Variants in FAT4 observed in about 807,000 individuals in gnomAD.
The protein encoded by FAT4 is protocadherin Fat 4.
In FAT4, 84 loss-of-function variants were observed where a neutral mutation model predicts 303.9. The ratio of observed to expected loss-of-function variants is 0.28; its 90% CI spans 0.23 to 0.33. The LOEUF (loss-of-function observed/expected upper bound fraction) is 0.33, where lower values mean the gene tolerates loss of function less well. Among genes scored for constraint, FAT4 ranks in the 10% least tolerant of loss-of-function variants. The pLI, the probability that FAT4 is intolerant of heterozygous loss-of-function variation, is 1.00. For missense variants in FAT4, 6,005 were observed against 6,146.8 expected (o/e 0.98, Z 0.77); for synonymous variants, 2,307 against 2,298.8 (o/e 1.00, Z -0.10).
intron 2 of FAT4, among the ~76,000 whole-genome samples, chr4:125,398,286 G>A (rs1348691993): frequency 6.6e-6 from 1 of 152,126 alleles, no homozygotes; most frequent in African/African-American, 2.4e-5. Flanking sequence ...TCCCATTAAA[G>A]GTTGAGCGTG....
At chr4:125,467,565 G>T (rs1304537669) in intron 11 of FAT4, among the ~76,000 whole-genome samples, 1 of 152,092 alleles carries the variant, frequency 6.6e-6, no homozygotes, top group Non-Finnish European at 1.5e-5. Flanking sequence ...AAACAAATGG[G>T]AATGCTGACT....
chr4:125,418,117 CAT>C (rs1389433133), intron 7 of FAT4, among the ~76,000 whole-genome samples: 1 of 152,128 alleles, frequency 6.6e-6, no homozygotes, highest in African/African-American at 2.4e-5. Context: ...TTGTAGATGA[CAT>C]GAGAAATTTC....
In FAT4 at chr4:125,398,894, G is replaced by T; in HGVS notation, c.5286G>T (p.Leu1762=). The T allele has an allele frequency of 1.2e-6, 2 of 1,613,076 alleles. No homozygotes were observed. The highest frequency in any genetic ancestry group is 1.7e-6 in the Non-Finnish European group (2 of 1,179,226). ...NIGDGSKIMQ[L]TAMDADEGAN... ...GAGATGGCTCTAAGATTATGCAGCT[G>T]ACAGCCATGGATGCTGATGAGGTAG... Residue 1762 remains leucine (L), a synonymous_variant, in exon 3 of 18, where the codon CTG becomes CTT. Transcript: ENST00000394329.
rs758650940 is a variant in FAT4, at chr4:125,449,966, C to T, written c.8956C>T (p.Leu2986Phe). Residue 2986 changes from leucine (L) to phenylalanine (F), a missense_variant, in exon 10 of 18, where the codon CTT becomes TTT. Transcript: ENST00000394329. ...VDSNDNAPQF[L>F]KSKYFTPVTK... ...CAGTAATGACAATGCACCTCAATTTCTTAAAAGTAAATATTTCACTCCAGT... is the reference window on the plus strand; with the variant it reads ...CAGTAATGACAATGCACCTCAATTTTTTAAAAGTAAATATTTCACTCCAGT... 2 of 1,613,680 alleles carry T rather than the reference C, an allele frequency of 1.2e-6. No homozygotes were observed. The highest frequency in any genetic ancestry group is 2.2e-5 in the South Asian group (2 of 91,044).
chr4:125,396,926 GTATATATA>G (rs66744105), intron 2 of FAT4, among the ~76,000 whole-genome samples: 6,625 of 143,710 alleles, frequency 0.046, 313 homozygotes, highest in African/African-American at 0.12. Flanking sequence ...ATGTGTGTGT[GTATATATA>G]TATATATATA....
intron 2 of FAT4, among the ~76,000 whole-genome samples, chr4:125,323,293 C>T (rs1443956317): frequency 6.6e-6 from 1 of 151,982 alleles, no homozygotes. Context: ...TTTTTATTTA[C>T]CCATTAGCTA....
intron 2 of FAT4, among the ~76,000 whole-genome samples, chr4:125,328,440 A>G (rs937897117): frequency 6.6e-6 from 1 of 152,206 alleles, no homozygotes; most frequent in East Asian, 1.9e-4. Flanking sequence ...TAGGACCACA[A>G]TCTTCTTCAG....
intron 6 of FAT4, 120 bp from the exon 7 acceptor site, chr4:125,416,328 A>T: frequency 1.1e-6 from 1 of 911,566 alleles, no homozygotes; most frequent in Non-Finnish European, 1.7e-6. Flanking sequence ...TTGAAAATCT[A>T]AAAATATATC....
At chr4:125,375,966 G>A (rs1733298133) in intron 2 of FAT4, among the ~76,000 whole-genome samples, 1 of 152,208 alleles carries the variant, frequency 6.6e-6, no homozygotes, top group Non-Finnish European at 1.5e-5. Flanking sequence ...AAGGTCACAA[G>A]TAACTGACTA....
intron 3 of FAT4, among the ~76,000 whole-genome samples, chr4:125,399,896 AAG>A (rs997320239): frequency 1.3e-5 from 2 of 151,964 alleles, no homozygotes; most frequent in Admixed American, 6.6e-5. Flanking sequence ...CTAGCTTTAA[AAG>A]AGTTATCTGA....
chr4:125,318,640 G>C lies in FAT4; in HGVS notation c.2229G>C (p.Gly743=). The part of the protein sequence containing the change: ...RSRFQVNAQS[G]VISTRMALDR... The stretch of plus-strand genomic sequence containing the variant: ...GGTTTCAGGTCAATGCTCAGAGTGG[G>C]GTTATTTCTACAAGAATGGCCCTAG... The change falls in exon 2 of 18, where the codon GGG becomes GGC. Residue 743 remains glycine, a synonymous_variant. Transcript: ENST00000394329. The C allele has an allele frequency of 6.2e-7, 1 of 1,614,038 alleles. No homozygotes were observed. Among genetic ancestry groups the C allele is most frequent in the South Asian group, 1.1e-5 (1 of 91,056 alleles).
rs748050828 is a variant in FAT4, at chr4:125,317,230, G to A, written c.819G>A (p.Ala273=). Residue 273 remains alanine, a synonymous_variant, in exon 2 of 18, where the codon GCG becomes GCA. Coordinates refer to ENST00000394329, the MANE Select transcript of FAT4 (RefSeq NM_001291303.3). The surrounding 1 kb of genome is among the most constrained non-coding windows in gnomAD (Gnocchi z 7.0). ...TGGGTTCCAGCGTCCTCCAGGTGGCGGCGGCGGACGCGGACGAGGGCACCA... is the reference window on the plus strand; with the variant it reads ...TGGGTTCCAGCGTCCTCCAGGTGGCAGCGGCGGACGCGGACGAGGGCACCA... ...AVVGSSVLQV[A]AADADEGTNA... 9 of 1,580,722 alleles carry A rather than the reference G, an allele frequency of 5.7e-6. No homozygotes were observed. The highest frequency in any genetic ancestry group is 2.7e-5 in the African/African-American group (2 of 74,210).
intron 13 of FAT4, among the ~76,000 whole-genome samples, chr4:125,476,539 A>G (rs988739306): frequency 3.3e-5 from 5 of 152,204 alleles, no homozygotes; most frequent in African/African-American, 1.2e-4. Context: ...TATGACCTTC[A>G]TTCTGAAAAA....
In FAT4 at chr4:125,490,630, A is replaced by C. The variant is rs747260297; in HGVS notation, c.13814A>C (p.Glu4605Ala). The change falls in exon 18 of 18, where the codon GAA (glutamate) becomes GCA (alanine). Residue 4605 changes from glutamate (E) to alanine (A), a missense_variant. By Grantham distance (107) the Glu-to-Ala change is moderately radical (BLOSUM62 -1). Transcript: ENST00000394329. ...YDETDIPHNS[E>A]TIPSAPLASP... ...GAAACTGATATTCCTCACAACTCAGAAACCATCCCCAGCGCCCCTTTGGCA... is the reference window on the plus strand; with the variant it reads ...GAAACTGATATTCCTCACAACTCAGCAACCATCCCCAGCGCCCCTTTGGCA... 6.2e-7 allele frequency: 1 copy of C among 1,614,174 alleles called. No individual in the cohort carries two copies. Among genetic ancestry groups the C allele is most frequent in the Non-Finnish European group, 8.5e-7 (1 of 1,180,034 alleles).
intron 10 of FAT4, among the ~76,000 whole-genome samples, chr4:125,461,560 T>C (rs1336456138): frequency 6.6e-6 from 1 of 152,042 alleles, no homozygotes; most frequent in Non-Finnish European, 1.5e-5. Flanking sequence ...AACACACTTA[T>C]AAATACATAT....
intron 14 of FAT4, 82 bp downstream of exon 14, chr4:125,477,416 A>T (rs779061796): frequency 8.3e-7 from 1 of 1,205,926 alleles, no homozygotes; most frequent in Non-Finnish European, 1.1e-6. Flanking sequence ...AGATGAAATT[A>T]TTATGCTCAA....
intron 2 of FAT4, among the ~76,000 whole-genome samples, chr4:125,383,691 G>C (rs1431718201): frequency 1.3e-5 from 2 of 152,082 alleles, no homozygotes. Flanking sequence ...CATGATAAAG[G>C]CAAGTGCAAT....
intron 7 of FAT4, among the ~76,000 whole-genome samples, chr4:125,417,119 A>G (rs1735107621): frequency 6.6e-6 from 1 of 152,126 alleles, no homozygotes; most frequent in South Asian, 2.1e-4. Context: ...TATAAGTGGC[A>G]AGGGCTTAAG....
intron 2 of FAT4, chr4:125,362,728 T>G (rs1732720579): frequency 6.6e-6 from 1 of 152,108 alleles, no homozygotes; most frequent in Non-Finnish European, 1.5e-5. Flanking sequence ...AGTAAGAGAA[T>G]AAAAAATACA....
Sources: gnomAD v4.1 joint callset for allele counts (sites outside exome capture counted in the v4.1 genomes callset) on GRCh38, gnomAD v4.1.1 for gene constraint, Gnocchi (gnomAD v3.1) non-coding constraint, MANE v1.5 for transcripts, NCBI Gene and HGNC (gene_info 2026-07-23, HGNC 2026-07-21) for gene names.